The following CDH11 variants were observed in gnomAD, a reference collection of about 807,000 sequenced individuals.
The protein encoded by CDH11 is cadherin-11.
CDH11 carries 11 observed loss-of-function variants against 67.8 expected under a neutral mutation model. The observed-to-expected ratio is 0.16, with a 90% CI of 0.10 to 0.27. CDH11 has a LOEUF of 0.27. Among genes scored for constraint, CDH11 ranks in the 10% least tolerant of loss-of-function variants. The pLI is 1.00. For missense variants in CDH11, 847 were observed against 1,031.2 expected (o/e 0.82, Z 2.45); for synonymous variants, 419 against 400.0 (o/e 1.05, Z -0.57).
chr16:65,058,245 A>G (rs1319219493), intron 1 of CDH11, among the ~76,000 whole-genome samples: 1 of 152,186 alleles, frequency 6.6e-6, no homozygotes, highest in African/African-American at 2.4e-5. Context: ...CACAAAACAA[A>G]CAAACAAAAA....
At chr16:65,113,287 G>GA (rs199622606) in intron 1 of CDH11, among the ~76,000 whole-genome samples, 20,846 of 128,762 alleles carry the variant, frequency 0.16, 1,634 homozygotes, top group East Asian at 0.24. Flanking sequence ...TTCCATCTCA[G>GA]AAAAAAAAAA....
chr16:65,026,324 G>A (rs2073533976), intron 2 of CDH11, among the ~76,000 whole-genome samples: 1 of 152,098 alleles, frequency 6.6e-6, no homozygotes. Flanking sequence ...TAAGGGTTTG[G>A]AGCCCTTTGG....
intron 2 of CDH11, among the ~76,000 whole-genome samples, chr16:65,047,918 C>G (rs1479743868): frequency 6.6e-6 from 1 of 152,150 alleles, no homozygotes; most frequent in African/African-American, 2.4e-5. Flanking sequence ...CAGCAGAAGT[C>G]AGCCCCTCTA....
intron 11 of CDH11, among the ~76,000 whole-genome samples, chr16:64,958,925 C>T (rs543179035): frequency 6.6e-6 from 1 of 152,124 alleles, no homozygotes; most frequent in African/African-American, 2.4e-5. Context: ...GACATACACA[C>T]GCAAACATAC....
intron 2 of CDH11, among the ~76,000 whole-genome samples, chr16:65,053,560 C>T (rs2074093368): frequency 6.6e-6 from 1 of 152,196 alleles, no homozygotes; most frequent in South Asian, 2.1e-4. Flanking sequence ...TCTTTCTCCT[C>T]CAGATCTTAC....
chr16:64,954,922 A>T (rs983716299), intron 11 of CDH11, among the ~76,000 whole-genome samples: 9 of 147,918 alleles, frequency 6.1e-5, no homozygotes, highest in Non-Finnish European at 1.3e-4. Context: ...TGGCCAAAAT[A>T]GTAAAACCCT....
chr16:65,072,839 C>T (rs1347156950), intron 1 of CDH11, among the ~76,000 whole-genome samples: 1 of 152,208 alleles, frequency 6.6e-6, no homozygotes, highest in Non-Finnish European at 1.5e-5. Context: ...ACCAGCTACT[C>T]AACCTCTGCA....
At chr16:65,058,748 CCT>C in intron 1 of CDH11, among the ~76,000 whole-genome samples, 1 of 152,150 alleles carries the variant, frequency 6.6e-6, no homozygotes, top group East Asian at 1.9e-4. Context: ...AGTTTTTCCT[CCT>C]CCAAGCTAGT....
At chr16:65,016,903 A>G (rs982295125) in intron 2 of CDH11, among the ~76,000 whole-genome samples, 2 of 152,224 alleles carry the variant, frequency 1.3e-5, no homozygotes, top group Non-Finnish European at 2.9e-5. Flanking sequence ...AGGAGTTCCC[A>G]GAACTGAGGG....
chr16:65,079,489 G>A (rs568846992), intron 1 of CDH11, among the ~76,000 whole-genome samples: 30 of 152,218 alleles, frequency 2.0e-4, no homozygotes, highest in Admixed American at 3.9e-4. Context: ...ATGCATGTGC[G>A]TGTGTATGTG....
rs1252029671 is a variant in CDH11 at position 65,053,804 on chromosome 16, CT to C, written c.-174del. 2.2e-6 allele frequency: 1 copy of C among 455,834 alleles called. No individual in the cohort carries two copies. The highest frequency in any genetic ancestry group is 2.0e-5 in the African/African-American group (1 of 50,034). 28.2% of individuals were successfully genotyped at this position (455,834 alleles called of 1,614,324 possible). A position where few individuals can be genotyped will look rare whatever the true frequency, so the allele number is the denominator to read the frequency against. On this transcript the variant is annotated splice_region_variant and 5_prime_UTR_variant, in exon 2 of 13. An upstream open reading frame in the 5' UTR loses its in-frame stop. Transcript: ENST00000268603. ...GTTCAGTAATATTAGTCCAACTTAC[CT>C]TCTTCACCCATTGGATACTTGCTGC...
intron 7 of CDH11, chr16:64,985,410 A>G (rs1040038367): frequency 6.6e-6 from 1 of 152,064 alleles, no homozygotes; most frequent in Non-Finnish European, 1.5e-5. Context: ...GTTTTACCGT[A>G]TATATCTTAA....
intron 1 of CDH11, among the ~76,000 whole-genome samples, chr16:65,094,231 C>T (rs1482138466): frequency 6.6e-6 from 1 of 152,166 alleles, no homozygotes; most frequent in Non-Finnish European, 1.5e-5. Flanking sequence ...TAATTTATGA[C>T]ACATAGTGTT....
chr16:65,009,504 T>C (rs879813185), intron 2 of CDH11, among the ~76,000 whole-genome samples: 3 of 152,182 alleles, frequency 2.0e-5, no homozygotes, highest in Non-Finnish European at 2.9e-5. Context: ...GAAATATTTC[T>C]AGAATTGAGA....
chr16:65,023,548 G>A (rs1010039107), intron 2 of CDH11, among the ~76,000 whole-genome samples: 1 of 152,180 alleles, frequency 6.6e-6, no homozygotes, highest in Non-Finnish European at 1.5e-5. Flanking sequence ...AGAAATAAAA[G>A]AGTGGCTACT....
intron 11 of CDH11, among the ~76,000 whole-genome samples, chr16:64,971,054 G>A (rs1034706579): frequency 2.4e-4 from 37 of 152,290 alleles, no homozygotes; most frequent in Admixed American, 5.9e-4. Flanking sequence ...AAATTTTGCC[G>A]TTTTTATAAT....
chr16:64,968,610 G>T (rs1032627652), intron 11 of CDH11: 2 of 960,722 alleles, frequency 2.1e-6, no homozygotes, highest in Admixed American at 6.2e-5. Flanking sequence ...TAAAAAGCTT[G>T]TGTGTATTAA....
chr16:65,044,356 G>A (rs1878737740), intron 2 of CDH11, among the ~76,000 whole-genome samples: 1 of 152,148 alleles, frequency 6.6e-6, no homozygotes, highest in African/African-American at 2.4e-5. Context: ...TTTAGAGGAT[G>A]CACAGAAATG....
chr16:64,991,321 C>G (rs1414533082), intron 6 of CDH11: 1 of 157,512 alleles, frequency 6.3e-6, no homozygotes, highest in Non-Finnish European at 1.4e-5. Flanking sequence ...TGCCCAAATT[C>G]CAGACACATG....
Sources: allele counts gnomAD v4.1 joint callset (sites outside exome capture counted in the v4.1 genomes callset), GRCh38; gene constraint gnomAD v4.1.1; transcripts MANE v1.5; gene names NCBI Gene and HGNC (gene_info 2026-07-23, HGNC 2026-07-21).